Variants in NOVA1 observed in about 807,000 individuals in gnomAD.
NOVA1 encodes the protein NOVA alternative splicing regulator 1.
In NOVA1, 7 loss-of-function variants were observed where a neutral mutation model predicts 38.0. That is an observed-to-expected ratio of 0.18 (90% CI 0.10 to 0.35). NOVA1 has a LOEUF of 0.35. Among genes scored for constraint, NOVA1 ranks in the 10% least tolerant of loss-of-function variants. The pLI is 1.00. For synonymous variants in NOVA1, 270 were observed against 232.5 expected (o/e 1.16, Z -1.47); for missense variants, 460 against 616.0 (o/e 0.75, Z 2.68).
intron 2 of NOVA1, among the ~76,000 whole-genome samples, chr14:26,508,405 C>G (rs535043290): frequency 7.3e-4 from 111 of 152,076 alleles, no homozygotes; most frequent in Non-Finnish European, 1.5e-3. Flanking sequence ...ATTGAGGTCA[C>G]AAATTTCTAT....
At chr14:26,562,381 G>C (rs994570483) in intron 2 of NOVA1, among the ~76,000 whole-genome samples, 1 of 152,108 alleles carries the variant, frequency 6.6e-6, no homozygotes, top group African/African-American at 2.4e-5. Flanking sequence ...AAAGCACTTA[G>C]AAAAAGTCTA....
chr14:26,567,676 T>C (rs1468398695), intron 2 of NOVA1, among the ~76,000 whole-genome samples: 1 of 152,190 alleles, frequency 6.6e-6, no homozygotes, highest in Non-Finnish European at 1.5e-5. Context: ...ATTTTTCATA[T>C]AGTTATTCTT....
chr14:26,496,193 C>G (rs548982965), intron 2 of NOVA1, among the ~76,000 whole-genome samples: 1 of 151,892 alleles, frequency 6.6e-6, no homozygotes, highest in Non-Finnish European at 1.5e-5. Flanking sequence ...GCCATTCTAA[C>G]TGGTGTGAGA....
At chr14:26,552,171 T>C (rs1891201974) in intron 2 of NOVA1, among the ~76,000 whole-genome samples, 1 of 152,012 alleles carries the variant, frequency 6.6e-6, no homozygotes, top group South Asian at 2.1e-4. Context: ...TATATAGCAG[T>C]AGGTTTTATG....
At chr14:26,527,429 G>A (rs1889386914) in intron 2 of NOVA1, among the ~76,000 whole-genome samples, 2 of 151,904 alleles carry the variant, frequency 1.3e-5, no homozygotes, top group Non-Finnish European at 2.9e-5. Flanking sequence ...AGAGACCACA[G>A]TCACCTGAAT....
chr14:26,589,682 A>G (rs1249568188), intron 2 of NOVA1, among the ~76,000 whole-genome samples: 2 of 151,730 alleles, frequency 1.3e-5, no homozygotes, highest in East Asian at 1.9e-4. Flanking sequence ...CCACTCACTC[A>G]TGTTTTACAT....
rs1221586471 is a variant in NOVA1 at position 26,446,644 on chromosome 14, T to C, written c.*1315A>G. On this transcript the variant is annotated 3_prime_UTR_variant, in exon 5 of 5. Transcript: ENST00000539517. ...GGCCTTGAGTGGGCAAACTCAGAGG[T>C]TAACAGATGGTGTGTCAAATGGCCT... 1 of 152,534 alleles carries C rather than the reference T, an allele frequency of 6.6e-6. No homozygotes were observed. The highest frequency in any genetic ancestry group is 1.5e-5 in the Non-Finnish European group (1 of 68,124). 9.4% of individuals were successfully genotyped at this position (152,534 alleles called of 1,614,324 possible).
intron 4 of NOVA1, among the ~76,000 whole-genome samples, chr14:26,465,235 C>T (rs1019089911): frequency 1.3e-5 from 2 of 152,068 alleles, no homozygotes; most frequent in Non-Finnish European, 2.9e-5. Context: ...AGTGCAATGG[C>T]GTGATCTCAG....
At chr14:26,590,755 T>C (rs1893794578) in intron 2 of NOVA1, among the ~76,000 whole-genome samples, 1 of 151,744 alleles carries the variant, frequency 6.6e-6, no homozygotes, top group Non-Finnish European at 1.5e-5. Flanking sequence ...CTGAAATCCT[T>C]TGGGGTAGTA....
At chr14:26,506,951 C>A (rs1343864042) in intron 2 of NOVA1, among the ~76,000 whole-genome samples, 1 of 152,120 alleles carries the variant, frequency 6.6e-6, no homozygotes, top group African/African-American at 2.4e-5. Flanking sequence ...AATAAAATTC[C>A]AGAATGATTT....
intron 2 of NOVA1, among the ~76,000 whole-genome samples, chr14:26,501,982 AT>A (rs1475819721): frequency 6.6e-6 from 1 of 151,986 alleles, no homozygotes; most frequent in Non-Finnish European, 1.5e-5. Flanking sequence ...AGGACTATGT[AT>A]AAATACTTCA....
At chr14:26,537,388 A>G (rs1174367084) in intron 2 of NOVA1, among the ~76,000 whole-genome samples, 1 of 152,132 alleles carries the variant, frequency 6.6e-6, no homozygotes, top group Non-Finnish European at 1.5e-5. Flanking sequence ...AATAAATGAT[A>G]ACTCTATATT....
chr14:26,540,908 CAA>C (rs1477784578), intron 2 of NOVA1, among the ~76,000 whole-genome samples: 1 of 152,122 alleles, frequency 6.6e-6, no homozygotes, highest in Non-Finnish European at 1.5e-5. Flanking sequence ...AACTAGTACA[CAA>C]ACCTATTTTT....
chr14:26,518,852 A>G (rs1369161943), intron 2 of NOVA1, among the ~76,000 whole-genome samples: 1 of 152,022 alleles, frequency 6.6e-6, no homozygotes, highest in Non-Finnish European at 1.5e-5. Flanking sequence ...AATGATCTCT[A>G]GTTTTTAAAT....
At chr14:26,581,511 A>T (rs1368925110) in intron 2 of NOVA1, among the ~76,000 whole-genome samples, 1 of 152,008 alleles carries the variant, frequency 6.6e-6, no homozygotes, top group Non-Finnish European at 1.5e-5. Context: ...TATCTTAATG[A>T]CCTAATGTCA....
At chr14:26,526,949 G>A (rs1889343990) in intron 2 of NOVA1, among the ~76,000 whole-genome samples, 1 of 152,134 alleles carries the variant, frequency 6.6e-6, no homozygotes, top group Non-Finnish European at 1.5e-5. Context: ...GCAAGAGTCT[G>A]TACCAGAATC....
rs74459256 is a variant in NOVA1, at chr14:26,546,408, A to G, written c.280+49002T>C. 2.5e-3 allele frequency among the ~76,000 whole-genome samples: 377 copies of G among 152,290 alleles called. 10 individuals are homozygous for G. In the East Asian group the frequency reaches 0.057, roughly 23 times the overall value. On this transcript the variant is annotated intron_variant, in intron 2 of 4. Transcript: ENST00000539517. ...TGATAAGAAAAATAATTTTTAAAAA[A>G]TTATCTATTTGAGAGGGATATAAAA...
At chr14:26,494,634 TCTGGCTTCTGTGTTGCTA>T (rs1886618393) in intron 2 of NOVA1, among the ~76,000 whole-genome samples, 1 of 152,180 alleles carries the variant, frequency 6.6e-6, no homozygotes, top group Non-Finnish European at 1.5e-5. Context: ...AGTTTCCTCT[TCTGGCTTCTGTGTTGCTA>T]CTCTCTTCCC....
intron 2 of NOVA1, among the ~76,000 whole-genome samples, chr14:26,518,903 T>C (rs921340131): frequency 1.3e-5 from 2 of 152,114 alleles, no homozygotes; most frequent in African/African-American, 4.8e-5. Context: ...ATTTTTCATG[T>C]GTAAAATGTG....
Sources: gnomAD v4.1 joint callset for allele counts (sites outside exome capture counted in the v4.1 genomes callset) on GRCh38, gnomAD v4.1.1 for gene constraint, MANE v1.5 for transcripts, NCBI Gene and HGNC (gene_info 2026-07-23, HGNC 2026-07-21) for gene names.